The following UACA variants were observed in gnomAD, a reference collection of about 807,000 sequenced individuals.
The protein encoded by UACA is uveal autoantigen with coiled-coil domains and ankyrin repeats, also known as nuclear membrane binding protein.
In UACA, 112 loss-of-function variants were observed where a neutral mutation model predicts 160.5. The ratio of observed to expected loss-of-function variants is 0.70; its 90% CI spans 0.60 to 0.82. The LOEUF (loss-of-function observed/expected upper bound fraction) is 0.82, where lower values mean the gene tolerates loss of function less well. UACA is among the 40% of genes least tolerant of loss of function. The probability of loss-of-function intolerance (pLI) is 0.00; values close to 1 mark genes in which losing one functional copy is unlikely to be tolerated. For missense variants in UACA, 1,574 were observed against 1,614.6 expected (o/e 0.97, Z 0.43); for synonymous variants, 557 against 568.4 (o/e 0.98, Z 0.29).
chr15:70,671,732 TA>T (rs1468339879), intron 14 of UACA: 1 of 315,092 alleles, frequency 3.2e-6, no homozygotes, highest in African/African-American at 2.1e-5. Flanking sequence ...ATTCATACAA[TA>T]TACAATTTTA....
At chr15:70,769,885 C>A in the UACA span, among the ~76,000 whole-genome samples, 1 of 152,030 alleles carries the variant, frequency 6.6e-6, no homozygotes, top group Non-Finnish European at 1.5e-5. Flanking sequence ...TAATCCCAGC[C>A]ACTCAGGTGG....
intron 2 of UACA, among the ~76,000 whole-genome samples, chr15:70,695,336 T>C (rs1898092488): frequency 6.6e-6 from 1 of 152,128 alleles, no homozygotes; most frequent in Admixed American, 6.6e-5. Context: ...CAATGAAATA[T>C]ACTAATGTGC....
intron 1 of UACA, among the ~76,000 whole-genome samples, chr15:70,721,422 G>A (rs1263708794): frequency 2.0e-5 from 3 of 152,080 alleles, no homozygotes; most frequent in African/African-American, 2.4e-5. Context: ...TCAGGAGATC[G>A]AGACCATCCT....
chr15:70,679,437 A>AATAAATAGATAG (rs1383179345), intron 10 of UACA, among the ~76,000 whole-genome samples, 171 bp downstream of exon 10: 9 of 148,134 alleles, frequency 6.1e-5, no homozygotes, highest in Non-Finnish European at 9.0e-5. Flanking sequence ...TAAATAAATA[A>AATAAATAGATAG]ATAGAAGAGA....
chr15:70,729,506 T>C (rs1899250378), intron 1 of UACA, among the ~76,000 whole-genome samples: 1 of 142,778 alleles, frequency 7.0e-6, no homozygotes, highest in African/African-American at 3.0e-5. Context: ...GACATAAAGA[T>C]GGGAACAACC....
chr15:70,678,993 G>A (rs1017871439), intron 10 of UACA, among the ~76,000 whole-genome samples: 6 of 152,086 alleles, frequency 3.9e-5, no homozygotes, highest in Admixed American at 3.3e-4. Flanking sequence ...GTTATATAAA[G>A]TTGCTTTTTC....
At position 70,695,043 on chromosome 15, in the gene UACA, A is replaced by T. The variant is rs2140957865; in HGVS notation, c.275T>A (p.Val92Asp). The T allele has an allele frequency of 2.5e-6, 4 of 1,610,650 alleles. No individual in the cohort carries two copies. The South Asian group carries it at 3.3e-5, about 13-fold the overall frequency. ...ECLNAILIHG[V>D]DITTSDTAGR... The stretch of plus-strand genomic sequence containing the variant: ...TGCAGTGTCACTGGTTGTAATATCA[A>T]CTCCATGTATAAGGATGGCATTCAA... Residue 92 changes from valine (V) to aspartate (D), a missense_variant, in exon 3 of 19, where the codon GTT becomes GAT. Val to Asp is a radical substitution (Grantham distance 152). Transcript: ENST00000322954.
intron 11 of UACA, 121 bp from the exon 12 acceptor site, chr15:70,677,261 G>A: frequency 1.5e-6 from 1 of 659,220 alleles, no homozygotes; most frequent in Non-Finnish European, 2.6e-6. Flanking sequence ...CCAAGGATAT[G>A]AGAAGAAAAT....
At position 70,695,104 on chromosome 15, in the gene UACA, AGCT is replaced by A; in HGVS notation, c.213-2_213del. ...TTCCCCTTTGAGGTCACAACATGGA[AGCT>A]AAACAAAAAAAAAATATTTGTTGTG... On this transcript the variant is annotated splice_acceptor_variant and coding_sequence_variant, in exon 3 of 19. Transcript: ENST00000322954. LOFTEE classifies it high-confidence loss of function. 6.3e-7 allele frequency: 1 copy of A among 1,591,770 alleles called. No individual in the cohort carries two copies. The highest frequency in any genetic ancestry group is 1.8e-5 in the Admixed American group (1 of 56,660).
intron 1 of UACA, among the ~76,000 whole-genome samples, chr15:70,710,119 G>A (rs1474103500): frequency 6.6e-6 from 1 of 152,072 alleles, no homozygotes; most frequent in East Asian, 1.9e-4. Flanking sequence ...ATTAGGTATG[G>A]TGGCACACAC....
intron 3 of UACA, among the ~76,000 whole-genome samples, chr15:70,694,441 C>T (rs991926724): frequency 1.3e-5 from 2 of 152,032 alleles, no homozygotes; most frequent in South Asian, 4.1e-4. Flanking sequence ...AGAATGGGTT[C>T]CTTATGAGGC....
chr15:70,698,329 CT>C (rs1299768298), intron 2 of UACA, among the ~76,000 whole-genome samples: 2 of 152,118 alleles, frequency 1.3e-5, no homozygotes, highest in Non-Finnish European at 2.9e-5. Flanking sequence ...TTCACTTCAT[CT>C]TTTAACATCT....
At chr15:70,774,274 T>C in the UACA span, among the ~76,000 whole-genome samples, 27,448 of 151,872 alleles carry the variant, frequency 0.18, 3,778 homozygotes, top group African/African-American at 0.39. Context: ...GGGCTGGGCG[T>C]GGTGGCTCAC....
chr15:70,667,595 T>G lies in UACA; in HGVS notation c.3089A>C (p.Asn1030Thr). 1 of 1,613,056 alleles carries G rather than the reference T, an allele frequency of 6.2e-7. No homozygotes were observed. The highest frequency in any genetic ancestry group is 1.1e-5 in the South Asian group (1 of 91,052). Residue 1030 changes from asparagine to threonine, a missense_variant, in exon 16 of 19, where the codon AAT (asparagine) becomes ACT (threonine). By Grantham distance (65) the Asn-to-Thr change is moderately conservative. Transcript: ENST00000322954. ...EEEVKKNKQE[N>T]DKLKKEIFTL... ...AAAAATCTCCTTCTTTAACTTGTCA[T>G]TCTCTTGCTTGTTTTTCTTGACTTC...
chr15:70,773,151 G>C, the UACA span, among the ~76,000 whole-genome samples: 366 of 152,188 alleles, frequency 2.4e-3, no homozygotes, highest in African/African-American at 8.6e-3. Context: ...ACTAGACAAT[G>C]TGACACAGCA....
intron 1 of UACA, among the ~76,000 whole-genome samples, chr15:70,747,815 T>C (rs1455309220): frequency 6.6e-6 from 1 of 152,112 alleles, no homozygotes; most frequent in East Asian, 1.9e-4. Context: ...AAAGATGACA[T>C]TTTTTAAATT....
Position 70,669,111 on chromosome 15 carries a change from C to A in UACA, c.1573G>T (p.Glu525Ter). The stretch of plus-strand genomic sequence containing the variant: ...GAGGCTGCTTCACTTGTTAAGTGTT[C>A]TTTAAGGGCAAGAAAATGGGTCTGC... ...QMQTHFLALKEHLTSEAASGN... is the reference protein window; with the variant it reads ...QMQTHFLALK The change falls in exon 16 of 19, where the codon GAA becomes TAA. Residue 525 changes from glutamate (E) to a stop codon, truncating the protein, a stop_gained. Transcript: ENST00000322954. LOFTEE classifies it high-confidence loss of function. 1.2e-6 allele frequency: 2 copies of A among 1,614,076 alleles called. No homozygotes were observed. The highest frequency in any genetic ancestry group is 1.7e-6 in the Non-Finnish European group (2 of 1,179,998).
intron 11 of UACA, among the ~76,000 whole-genome samples, 180 bp downstream of exon 11, chr15:70,677,919 C>T (rs1194388029): frequency 2.0e-5 from 3 of 152,106 alleles, no homozygotes; most frequent in African/African-American, 7.2e-5. Flanking sequence ...TTTACACTGT[C>T]CTTACTTGTT....
At chr15:70,755,956 T>C (rs924921916) in intron 1 of UACA, among the ~76,000 whole-genome samples, 1 of 152,156 alleles carries the variant, frequency 6.6e-6, no homozygotes, top group Admixed American at 6.5e-5. Context: ...AACCTTTTTA[T>C]GGGCTCACTC....
Sources: allele counts gnomAD v4.1 joint callset (sites outside exome capture counted in the v4.1 genomes callset), GRCh38; gene constraint gnomAD v4.1.1; transcripts MANE v1.5; gene names NCBI Gene and HGNC (gene_info 2026-07-23, HGNC 2026-07-21).